Variants in SSBP3 observed in about 807,000 individuals in gnomAD.
SSBP3 encodes the protein single stranded DNA binding protein 3, also known as single-stranded DNA-binding protein 3.
In SSBP3, 5 loss-of-function variants were observed where a neutral mutation model predicts 69.6. The ratio of observed to expected loss-of-function variants is 0.07; its 90% CI spans 0.04 to 0.15. The LOEUF (loss-of-function observed/expected upper bound fraction) is 0.15, where lower values mean the gene tolerates loss of function less well. Among genes scored for constraint, SSBP3 ranks in the 10% least tolerant of loss-of-function variants. The pLI, the probability that SSBP3 is intolerant of heterozygous loss-of-function variation, is 1.00. For synonymous variants in SSBP3, 196 were observed against 193.4 expected (o/e 1.01, Z -0.11); for missense variants, 312 against 534.0 (o/e 0.58, Z 4.10).
At chr1:54,411,295 T>C (rs1649982841), upstream of SSBP3, among the ~76,000 whole-genome samples, 1 of 151,190 alleles carries the variant, frequency 6.6e-6, no homozygotes, top group Non-Finnish European at 1.5e-5. Flanking sequence ...CCGGCCAACA[T>C]GGTGAAACCC....
chr1:54,227,183 G>GGGT, intron 17 of SSBP3, 23 bp from the exon 18 acceptor site: 1 of 1,158,312 alleles, frequency 8.6e-7, no homozygotes, highest in East Asian at 2.8e-5. Flanking sequence ...AGCAGAGAAG[G>GGGT]GGGGGGGGTG....
chr1:54,406,072 C>G (rs1649736884), exon 1 of SSBP3: 2 of 1,340,744 alleles, frequency 1.5e-6, no homozygotes, highest in African/African-American at 3.1e-5. Flanking sequence ...ACCGCTCCGG[C>G]TCTCCCGAGC....
At chr1:54,398,524 C>T (rs1649058718) in intron 4 of SSBP3, among the ~76,000 whole-genome samples, 1 of 152,222 alleles carries the variant, frequency 6.6e-6, no homozygotes, top group Admixed American at 6.5e-5. Flanking sequence ...GCCAGGACAC[C>T]TCTGGGCACA....
chr1:54,377,669 G>T (rs1330124785), intron 4 of SSBP3, among the ~76,000 whole-genome samples: 1 of 152,184 alleles, frequency 6.6e-6, no homozygotes, highest in East Asian at 1.9e-4. Flanking sequence ...GATTCCTGTG[G>T]CTTGGGACAA....
intron 4 of SSBP3, among the ~76,000 whole-genome samples, chr1:54,288,288 A>G (rs2100923025): frequency 6.6e-6 from 1 of 152,302 alleles, no homozygotes; most frequent in East Asian, 1.9e-4. Flanking sequence ...TGATCTGATC[A>G]GGCCTTCCTG....
intron 4 of SSBP3, among the ~76,000 whole-genome samples, chr1:54,365,170 C>T (rs1035426964): frequency 2.6e-5 from 4 of 152,188 alleles, no homozygotes; most frequent in Non-Finnish European, 5.9e-5. Flanking sequence ...GAAGCAACAT[C>T]CCAAAGTTAA....
chr1:54,283,237 C>T (rs1000032209), intron 4 of SSBP3, among the ~76,000 whole-genome samples: 2 of 149,388 alleles, frequency 1.3e-5, no homozygotes, highest in African/African-American at 5.0e-5. Flanking sequence ...CACTGCACTC[C>T]AGCCTGGATG....
chr1:54,413,139 C>T (rs560972950), intron 1 of SSBP3: 1 of 152,338 alleles, frequency 6.6e-6, no homozygotes, highest in African/African-American at 2.4e-5. Context: ...TTCCCATGCT[C>T]CTGAAACCCT....
chr1:54,240,178 G>A (rs1253218415), intron 13 of SSBP3, among the ~76,000 whole-genome samples: 1 of 151,744 alleles, frequency 6.6e-6, no homozygotes, highest in Admixed American at 6.6e-5. Flanking sequence ...AACAGGGAGG[G>A]CTGGGTGTGG....
At chr1:54,339,950 G>A (rs1045028957) in intron 4 of SSBP3, among the ~76,000 whole-genome samples, 4 of 152,162 alleles carry the variant, frequency 2.6e-5, no homozygotes, top group Admixed American at 1.3e-4. Context: ...GGGGAAAGGC[G>A]GAAAGGTCAA....
At chr1:54,284,389 A>G (rs1645450154) in intron 4 of SSBP3, among the ~76,000 whole-genome samples, 1 of 151,932 alleles carries the variant, frequency 6.6e-6, no homozygotes, top group Admixed American at 6.5e-5. Flanking sequence ...ATGGCAAATC[A>G]TTCATGTCCT....
At chr1:54,234,271 T>C (rs1378811470) in intron 14 of SSBP3, among the ~76,000 whole-genome samples, 6 of 149,146 alleles carry the variant, frequency 4.0e-5, no homozygotes, top group African/African-American at 1.2e-4. Flanking sequence ...GTTTATCTGC[T>C]GACCTTCCCT....
chr1:54,345,990 A>G (rs1646683073), intron 4 of SSBP3, among the ~76,000 whole-genome samples: 1 of 151,648 alleles, frequency 6.6e-6, no homozygotes, highest in South Asian at 2.1e-4. Context: ...AAAATACAAA[A>G]AAAAAAAAAC....
At chr1:54,299,344 C>T (rs1437474120) in intron 4 of SSBP3, among the ~76,000 whole-genome samples, 10 of 152,146 alleles carry the variant, frequency 6.6e-5, no homozygotes, top group Non-Finnish European at 1.3e-4. Flanking sequence ...GTCACGGGGG[C>T]GTGCTAGCAC....
At chr1:54,405,480 G>C (rs1177360124) in intron 1 of SSBP3, 1 of 156,992 alleles carries the variant, frequency 6.4e-6, no homozygotes, top group Admixed American at 6.1e-5. Context: ...GGAAGGGAGA[G>C]CGCTCCCGGC....
intron 4 of SSBP3, among the ~76,000 whole-genome samples, chr1:54,362,930 G>A (rs1374163940): frequency 6.6e-6 from 1 of 152,090 alleles, no homozygotes; most frequent in Non-Finnish European, 1.5e-5. Flanking sequence ...CTGACTGGAT[G>A]GAGGCCTGGG....
chr1:54,329,763 C>T (rs1379518213), intron 4 of SSBP3, among the ~76,000 whole-genome samples: 1 of 152,180 alleles, frequency 6.6e-6, no homozygotes, highest in Non-Finnish European at 1.5e-5. Flanking sequence ...AGCAAATGTT[C>T]AATACAAAAC....
In SSBP3 at chr1:54,375,019, A is replaced by AT. The variant is rs1356338219; in HGVS notation, c.276+26841dup. 6.6e-5 allele frequency among the ~76,000 whole-genome samples: 10 copies of AT among 152,134 alleles called. No homozygotes were observed. The East Asian group carries it at 1.9e-3, about 29-fold the overall frequency. ...GTCTTGGCTCCCAATCTGTAACCTT[A>AT]TCCTGGGGCAAGCCAAAAAAGGCAG... On this transcript the variant is annotated intron_variant, in intron 4 of 17. Transcript: ENST00000610401.
intron 14 of SSBP3, among the ~76,000 whole-genome samples, chr1:54,235,337 A>G (rs1228857298): frequency 7.0e-6 from 1 of 143,494 alleles, no homozygotes; most frequent in Non-Finnish European, 1.5e-5. Context: ...GCTGGAGTGC[A>G]ATGGCACGAT....
Sources: gnomAD v4.1 joint callset for allele counts (sites outside exome capture counted in the v4.1 genomes callset) on GRCh38, gnomAD v4.1.1 for gene constraint, MANE v1.5 for transcripts, NCBI Gene and HGNC (gene_info 2026-07-23, HGNC 2026-07-21) for gene names.